Variants in BOP1 observed in about 807,000 individuals in gnomAD.
BOP1 encodes the protein ribosome biogenesis protein BOP1.
BOP1 carries 54 observed loss-of-function variants against 82.9 expected under a neutral mutation model. The observed-to-expected ratio is 0.65, with a 90% CI of 0.52 to 0.82. The LOEUF (loss-of-function observed/expected upper bound fraction) is 0.82, where lower values mean the gene tolerates loss of function less well. BOP1 is among the 40% of genes least tolerant of loss of function. The pLI is 0.00. For synonymous variants in BOP1, 566 were observed against 451.1 expected (o/e 1.25, Z -3.23); for missense variants, 1,170 against 1,072.0 (o/e 1.09, Z -1.28).
intron 2 of BOP1, among the ~76,000 whole-genome samples, chr8:144,283,201 C>CAAAAAAAAAAAAAAAAAAAAAAAAAA (rs60868806): frequency 3.7e-5 from 2 of 54,346 alleles, no homozygotes; most frequent in African/African-American, 1.4e-4. Context: ...AACTCCATCT[C>CAAAAAAAAAAAAAAAAAAAAAAAAAA]AAAAAAAAAA....
At chr8:144,268,218 A>T (rs1845425901) in intron 3 of BOP1, 2 of 1,542,068 alleles carry the variant, frequency 1.3e-6, no homozygotes, top group Non-Finnish European at 1.8e-6. Context: ...GACAGCCCCC[A>T]CCTTGGACCT....
intron 2 of BOP1, among the ~76,000 whole-genome samples, chr8:144,281,021 T>C (rs1845664218): frequency 6.8e-6 from 1 of 146,228 alleles, no homozygotes; most frequent in Admixed American, 6.9e-5. Context: ...GTCTTCGGCC[T>C]TCTCTCACTT....
intron 3 of BOP1, chr8:144,265,341 C>G (rs1249184398): frequency 8.7e-6 from 5 of 574,166 alleles, no homozygotes; most frequent in Admixed American, 6.3e-5. Context: ...GAGCTCCCCC[C>G]TCACTGGATT....
Position 144,263,590 on chromosome 8 carries a change from G to T in BOP1, c.1312C>A (p.Arg438=). ...CGGGCAGTGGCCACCTCCCAGAGCCGCAGGGAGCCGTCGTCAGAGCCTGGA... is the reference window on the plus strand; with the variant it reads ...CGGGCAGTGGCCACCTCCCAGAGCCTCAGGGAGCCGTCGTCAGAGCCTGGA... The part of the protein sequence containing the change: ...LVSGSDDGSL[R]LWEVATARCV... Residue 438 remains arginine (R), a synonymous_variant, in exon 11 of 16, where the codon CGG becomes AGG. Transcript: ENST00000569669. 1 of 1,605,270 alleles carries T rather than the reference G, an allele frequency of 6.2e-7. No individual in the cohort carries two copies.
In BOP1 at chr8:144,263,887, T is replaced by C; in HGVS notation, c.1165A>G (p.Ile389Val). Residue 389 changes from isoleucine (I) to valine (V), a missense_variant, in exon 9 of 16, where the codon ATC becomes GTC. By Grantham distance (29) the Ile-to-Val change is conservative (BLOSUM62 3). Coordinates refer to ENST00000569669, the MANE Select transcript of BOP1 (RefSeq NM_015201.5). The stretch of plus-strand genomic sequence containing the variant: ...TCCCTCGGCCGAGGCAGCTTGGGGA[T>C]GAGGTCCTCAGGGTCTACATTCACC... ...MRVNVDPEDL[I>V]PKLPRPRDLQ... is the part of the protein sequence containing the mutation. 6.2e-7 allele frequency: 1 copy of C among 1,611,626 alleles called. No homozygotes were observed.
At chr8:144,265,100 C>CCTACATGTAGGGG in intron 3 of BOP1, 29 bp from the exon 4 acceptor site, 1 of 1,598,288 alleles carries the variant, frequency 6.3e-7, no homozygotes, top group African/African-American at 1.3e-5. Context: ...ATGTCGGCAT[C>CCTACATGTAGGGG]TGATCCTACA....
At chr8:144,266,688 C>G (rs1344384415) in intron 3 of BOP1, 7 of 1,238,014 alleles carry the variant, frequency 5.7e-6, no homozygotes, top group Non-Finnish European at 7.2e-6. Context: ...TGTCGGAGGA[C>G]GAGGACCGCG....
rs954509566 is a variant in BOP1, at chr8:144,264,065, G to A, written c.1056C>T (p.Ala352=). The part of the protein sequence containing the change: ...FLPRKFPSLR[A]VPAYGRFIQE... Reference sequence around the variant, plus strand: ...GGATGAAGCGTCCGTAGGCAGGCACGGCCCGCAGGCTCGGGAACTTGCGTG... The same window carrying A: ...GGATGAAGCGTCCGTAGGCAGGCACAGCCCGCAGGCTCGGGAACTTGCGTG... The change falls in exon 8 of 16, where the codon GCC becomes GCT. Residue 352 remains alanine (A), a synonymous_variant. Coordinates refer to ENST00000569669, the MANE Select transcript of BOP1 (RefSeq NM_015201.5). 25 of 1,609,926 alleles carry A rather than the reference G, an allele frequency of 1.6e-5. No individual in the cohort carries two copies. The highest frequency in any genetic ancestry group is 2.0e-5 in the Non-Finnish European group (24 of 1,179,692).
rs1422489250 is a variant in BOP1, at chr8:144,262,161, C to CAGCTAGGTGAAGAGGCGG, written c.2226_*2dup. 3 of 1,612,302 alleles carry CAGCTAGGTGAAGAGGCGG rather than the reference C, an allele frequency of 1.9e-6. No homozygotes were observed. The highest frequency in any genetic ancestry group is 2.7e-5 in the African/African-American group (2 of 74,998). On this transcript the variant is annotated 3_prime_UTR_variant, in exon 16 of 16. Transcript: ENST00000569669. ...CCACCCCAGCCCCAGGCAGGCAGAA[C>CAGCTAGGTGAAGAGGCGG]AGCTAGGTGAAGAGGCGGACAGTCC...
At chr8:144,268,896 G>A (rs1175843377) in intron 3 of BOP1, among the ~76,000 whole-genome samples, 1 of 152,192 alleles carries the variant, frequency 6.6e-6, no homozygotes, top group East Asian at 1.9e-4. Context: ...GGTGAGGAGG[G>A]CGCTGCAGGT....
At chr8:144,269,041 G>C (rs900333857) in intron 3 of BOP1, among the ~76,000 whole-genome samples, 154 of 152,318 alleles carry the variant, frequency 1.0e-3, no homozygotes, top group Admixed American at 5.4e-3. Flanking sequence ...AGTGCCACTT[G>C]GCCCCTGGAA....
chr8:144,276,767 C>T (rs955831122), intron 2 of BOP1, among the ~76,000 whole-genome samples: 5 of 152,194 alleles, frequency 3.3e-5, no homozygotes, highest in South Asian at 2.1e-4. Flanking sequence ...GAGACGCAGC[C>T]GTCGCAGCAG....
rs1382581037 is a variant in BOP1 at position 144,266,964 on chromosome 8, G to A, written c.391-1893C>T. 2.8e-5 allele frequency: 43 copies of A among 1,557,018 alleles called. No individual in the cohort carries two copies. In the Admixed American group the frequency reaches 7.0e-4, roughly 25 times the overall value. The stretch of plus-strand genomic sequence containing the variant: ...GCAAGCTCTCCAAGATTGAGACGCT[G>A]CGCCTGGCCTCCAGCTACATCTCGC... On this transcript the variant is annotated intron_variant, in intron 3 of 15. Coordinates refer to ENST00000569669, the MANE Select transcript of BOP1 (RefSeq NM_015201.5).
chr8:144,278,389 C>T (rs587718462), intron 2 of BOP1, among the ~76,000 whole-genome samples: 50 of 152,320 alleles, frequency 3.3e-4, no homozygotes, highest in Admixed American at 3.2e-3. Context: ...CAGACAGAAA[C>T]GGTGTCCAAG....
intron 3 of BOP1, chr8:144,265,339 C>A (rs925150657): frequency 1.7e-5 from 10 of 575,324 alleles, no homozygotes; most frequent in Non-Finnish European, 2.8e-5. Context: ...CAGAGCTCCC[C>A]CCTCACTGGA....
chr8:144,278,449 C>G (rs1455089881), intron 2 of BOP1, among the ~76,000 whole-genome samples: 1 of 152,238 alleles, frequency 6.6e-6, no homozygotes, highest in Non-Finnish European at 1.5e-5. Context: ...TCCCCAGCAT[C>G]AGGCCAGCCA....
At chr8:144,272,295 G>A (rs1027209110) in intron 3 of BOP1, among the ~76,000 whole-genome samples, 69 of 152,130 alleles carry the variant, frequency 4.5e-4, no homozygotes, top group South Asian at 1.2e-3. Context: ...CCCCAACTCC[G>A]GACACCTCCA....
chr8:144,265,100 C>T, intron 3 of BOP1, 29 bp from the exon 4 acceptor site: 1 of 1,598,288 alleles, frequency 6.3e-7, no homozygotes, highest in South Asian at 1.1e-5. Context: ...ATGTCGGCAT[C>T]TGATCCTACA....
In BOP1 at chr8:144,263,490, A is replaced by G; in HGVS notation, c.1412T>C (p.Val471Ala). 6.3e-7 allele frequency: 1 copy of G among 1,598,468 alleles called. No individual in the cohort carries two copies. The highest frequency in any genetic ancestry group is 8.5e-7 in the Non-Finnish European group (1 of 1,179,670). The change falls in exon 11 of 16, where the codon GTG becomes GCG. Residue 471 changes from valine (V) to alanine (A), a missense_variant. Coordinates refer to ENST00000569669, the MANE Select transcript of BOP1 (RefSeq NM_015201.5). ...AWNPSPAVCL[V>A]AAAVEDSVLL... is the part of the protein sequence containing the mutation. ...GGCCTCCACTTACACGGCTGCAGCC[A>G]CCAGGCAGACAGCGGGGCTGGGGTT... is the stretch of plus-strand genomic sequence containing the variant.
Sources: allele counts gnomAD v4.1 joint callset (sites outside exome capture counted in the v4.1 genomes callset), GRCh38; gene constraint gnomAD v4.1.1; transcripts MANE v1.5; gene names NCBI Gene and HGNC (gene_info 2026-07-23, HGNC 2026-07-21).